THSD7B: variants seen among roughly 807,000 people sequenced by gnomAD.
THSD7B encodes the protein thrombospondin type-1 domain-containing protein 7B.
THSD7B carries 138 observed loss-of-function variants against 213.6 expected under a neutral mutation model. That is an observed-to-expected ratio of 0.65 (90% CI 0.56 to 0.74). THSD7B has a LOEUF of 0.74. Among genes scored for constraint, THSD7B ranks in the 30% least tolerant of loss-of-function variants. THSD7B has a pLI of 0.00. For missense variants in THSD7B, 1,931 were observed against 1,991.5 expected (o/e 0.97, Z 0.58); for synonymous variants, 742 against 687.0 (o/e 1.08, Z -1.25).
chr2:137,567,316 C>A (rs759331685), intron 16 of THSD7B, among the ~76,000 whole-genome samples: 5 of 151,740 alleles, frequency 3.3e-5, no homozygotes, highest in Admixed American at 3.3e-4. Flanking sequence ...TTACAGGTGC[C>A]CACCACCACA....
At chr2:136,833,363 CAAAAAAAAAAAAA>C (rs10639590) in intron 1 of THSD7B, among the ~76,000 whole-genome samples, 1 of 55,478 alleles carries the variant, frequency 1.8e-5, no homozygotes, top group Non-Finnish European at 3.0e-5. Flanking sequence ...GACTCCGTCT[CAAAAAAAAAAAAA>C]AAAAAAAAAA....
chr2:136,897,245 C>T lies in THSD7B; in HGVS notation c.139+14928C>T, dbSNP rs546463740. Among the ~76,000 whole-genome samples the T allele has an allele frequency of 8.5e-5, 13 of 152,286 alleles. No individual in the cohort carries two copies. The South Asian group carries it at 2.7e-3, about 32-fold the overall frequency. Reference sequence around the variant, plus strand: ...GGTGGGTTCTTGGTCTCGCTGACTTCAAGAATGAAGTCACGGACCTGCATG... The same window carrying T: ...GGTGGGTTCTTGGTCTCGCTGACTTTAAGAATGAAGTCACGGACCTGCATG... On this transcript the variant is annotated intron_variant, in intron 2 of 27. Transcript: ENST00000409968.
chr2:137,338,197 G>A (rs1486757459), intron 12 of THSD7B, among the ~76,000 whole-genome samples: 2 of 151,958 alleles, frequency 1.3e-5, no homozygotes, highest in Non-Finnish European at 2.9e-5. Context: ...TCTCCACATA[G>A]TCCCTCCAAA....
intron 1 of THSD7B, among the ~76,000 whole-genome samples, chr2:136,802,060 G>T (rs4954438): frequency 0.39 from 59,632 of 151,834 alleles, 11,967 homozygotes; most frequent in African/African-American, 0.42. Flanking sequence ...AGCAATTCCT[G>T]GTAAACCTCC....
chr2:137,337,390 G>A (rs1379541680), intron 12 of THSD7B, among the ~76,000 whole-genome samples: 1 of 152,160 alleles, frequency 6.6e-6, no homozygotes, highest in East Asian at 1.9e-4. Flanking sequence ...TTTGTCTGAT[G>A]TCTTTCTCAT....
chr2:136,875,827 T>G (rs1189121832), intron 1 of THSD7B, among the ~76,000 whole-genome samples: 1 of 152,234 alleles, frequency 6.6e-6, no homozygotes, highest in African/African-American at 2.4e-5. Context: ...TAATGTGGCT[T>G]TCTTTGGAAT....
At chr2:136,863,291 G>A (rs16837163) in intron 1 of THSD7B, among the ~76,000 whole-genome samples, 5,067 of 152,284 alleles carry the variant, frequency 0.033, 135 homozygotes, top group East Asian at 0.14. Context: ...ACTCCACCTG[G>A]TCTCTGCATT....
chr2:137,489,446 A>C (rs979163933), intron 15 of THSD7B, among the ~76,000 whole-genome samples: 1 of 152,202 alleles, frequency 6.6e-6, no homozygotes, highest in Admixed American at 6.6e-5. Flanking sequence ...AAAAGAAAAA[A>C]AAAATTAGCC....
intron 12 of THSD7B, among the ~76,000 whole-genome samples, chr2:137,368,205 A>T (rs1431832582): frequency 1.3e-5 from 2 of 152,074 alleles, no homozygotes; most frequent in African/African-American, 2.4e-5. Flanking sequence ...TTAAAGAGGG[A>T]TGGACTTTGG....
intron 2 of THSD7B, among the ~76,000 whole-genome samples, chr2:136,987,480 T>G (rs955885019): frequency 1.4e-4 from 21 of 151,856 alleles, no homozygotes; most frequent in African/African-American, 4.8e-4. Context: ...AGGTTAAAGG[T>G]GAGAAATAAT....
At chr2:136,966,397 TG>T (rs1171921346) in intron 2 of THSD7B, among the ~76,000 whole-genome samples, 1 of 152,094 alleles carries the variant, frequency 6.6e-6, no homozygotes, top group Non-Finnish European at 1.5e-5. Flanking sequence ...TTTGTGTTTT[TG>T]TAGAGACAGG....
chr2:137,517,741 A>T (rs990732865), intron 15 of THSD7B, among the ~76,000 whole-genome samples: 2 of 152,192 alleles, frequency 1.3e-5, no homozygotes, highest in African/African-American at 4.8e-5. Flanking sequence ...TGGAGGTATC[A>T]GTGGCAGATA....
rs375703758 is a variant in THSD7B at position 136,900,504 on chromosome 2, T to C, written c.139+18187T>C. On this transcript the variant is annotated intron_variant, in intron 2 of 27. Coordinates refer to ENST00000409968, the MANE Select transcript of THSD7B (RefSeq NM_001316349.2). ...AACAAAATCTCTTTGTATTTTTGTT[T>C]GAAAAAAACAGTTTCAACATTGTAG... Among the ~76,000 whole-genome samples, 13 of 152,214 alleles carry C rather than the reference T, an allele frequency of 8.5e-5. No homozygotes were observed. The East Asian group carries it at 2.5e-3, about 29-fold the overall frequency.
intron 3 of THSD7B, among the ~76,000 whole-genome samples, chr2:137,060,784 G>C (rs1687255492): frequency 6.6e-6 from 1 of 151,870 alleles, no homozygotes; most frequent in Non-Finnish European, 1.5e-5. Context: ...GTAAAGCAGA[G>C]AAGTGTCAGT....
At position 137,302,417 on chromosome 2, in the gene THSD7B, A is replaced by G. The variant is rs143051398; in HGVS notation, c.2500+26391A>G. The stretch of plus-strand genomic sequence containing the variant: ...GGATATCTGTGCTAAATGTTGCTGA[A>G]AGGACAAGTAAGGTGGGTTGGAGAA... On this transcript the variant is annotated intron_variant, in intron 12 of 27. Coordinates refer to ENST00000409968, the MANE Select transcript of THSD7B (RefSeq NM_001316349.2). 2.6e-4 allele frequency among the ~76,000 whole-genome samples: 40 copies of G among 152,240 alleles called. No homozygotes were observed. The East Asian group carries it at 6.9e-3, about 26-fold the overall frequency.
At chr2:137,501,896 CT>C (rs1220256861) in intron 15 of THSD7B, among the ~76,000 whole-genome samples, 2 of 152,134 alleles carry the variant, frequency 1.3e-5, no homozygotes, top group East Asian at 1.9e-4. Context: ...TGAGCTTCCC[CT>C]GAATGCAACT....
chr2:136,889,729 T>C (rs142580751), intron 2 of THSD7B, among the ~76,000 whole-genome samples: 6 of 152,296 alleles, frequency 3.9e-5, no homozygotes, highest in Admixed American at 3.9e-4. Context: ...CAGTTCCAAG[T>C]GCTCTATTAT....
At chr2:137,447,941 G>GA (rs1265589505) in intron 14 of THSD7B, among the ~76,000 whole-genome samples, 2 of 151,978 alleles carry the variant, frequency 1.3e-5, no homozygotes, top group African/African-American at 4.8e-5. Context: ...GAAGAGAGAA[G>GA]AAAAAAATAT....
At chr2:137,520,247 T>G (rs1680160505) in intron 15 of THSD7B, among the ~76,000 whole-genome samples, 1 of 152,190 alleles carries the variant, frequency 6.6e-6, no homozygotes, top group African/African-American at 2.4e-5. Flanking sequence ...ATTCATTAAT[T>G]CTTTTTAGGT....
Sources: allele counts gnomAD v4.1 joint callset (sites outside exome capture counted in the v4.1 genomes callset), GRCh38; gene constraint gnomAD v4.1.1; transcripts MANE v1.5; gene names NCBI Gene and HGNC (gene_info 2026-07-23, HGNC 2026-07-21).